The following GUCY1A2 variants were observed in gnomAD, a reference collection of about 807,000 sequenced individuals.
The protein encoded by GUCY1A2 is guanylate cyclase 1 soluble subunit alpha 2.
In GUCY1A2, 27 loss-of-function variants were observed where a neutral mutation model predicts 63.5. The ratio of observed to expected loss-of-function variants is 0.43; its 90% CI spans 0.31 to 0.59. The LOEUF (loss-of-function observed/expected upper bound fraction) is 0.59, where lower values mean the gene tolerates loss of function less well. Among genes scored for constraint, GUCY1A2 ranks in the 20% least tolerant of loss-of-function variants. The pLI is 0.11. For missense variants in GUCY1A2, 768 were observed against 913.3 expected (o/e 0.84, Z 2.05); for synonymous variants, 364 against 343.5 (o/e 1.06, Z -0.66).
chr11:106,730,737 T>A (rs1321176946), intron 6 of GUCY1A2, among the ~76,000 whole-genome samples: 3 of 152,108 alleles, frequency 2.0e-5, no homozygotes, highest in Non-Finnish European at 1.5e-5. Flanking sequence ...CCATCAACAG[T>A]GTATAAGCAT....
In GUCY1A2 at chr11:106,684,634, C is replaced by A. The variant is rs550293395; in HGVS notation, c.*2915G>T. On this transcript the variant is annotated 3_prime_UTR_variant, in exon 8 of 8. Transcript: ENST00000526355. ...GGTGCTAATGGCTAGTTATAAGGTG[C>A]CTTCTTCCAAACAGCAGCTTAAAAG... is the stretch of plus-strand genomic sequence containing the variant. 1.5e-5 allele frequency: 3 copies of A among 200,580 alleles called. No individual in the cohort carries two copies. The highest frequency in any genetic ancestry group is 3.1e-5 in the Non-Finnish European group (3 of 97,424). 12.4% of individuals were successfully genotyped at this position (200,580 alleles called of 1,614,324 possible). A position where few individuals can be genotyped will look rare whatever the true frequency, so the allele number is the denominator to read the frequency against.
intron 4 of GUCY1A2, among the ~76,000 whole-genome samples, chr11:106,840,844 A>G (rs879472904): frequency 6.6e-6 from 1 of 152,008 alleles, no homozygotes; most frequent in Non-Finnish European, 1.5e-5. Context: ...GAAGTAAAAA[A>G]TAAACTTCGG....
At chr11:106,873,853 G>C (rs528695827) in intron 4 of GUCY1A2, among the ~76,000 whole-genome samples, 1 of 152,176 alleles carries the variant, frequency 6.6e-6, no homozygotes, top group African/African-American at 2.4e-5. Context: ...CAATAGACTA[G>C]TTTCATCTCA....
rs574602472 is a variant in GUCY1A2 at position 106,720,201 on chromosome 11, G to A, written c.1837-11535C>T. 5.3e-5 allele frequency among the ~76,000 whole-genome samples: 8 copies of A among 152,310 alleles called. No homozygotes were observed. In the South Asian group the frequency reaches 1.0e-3, roughly 20 times the overall value. On this transcript the variant is annotated intron_variant, in intron 6 of 7. Coordinates refer to ENST00000526355, the MANE Select transcript of GUCY1A2 (RefSeq NM_000855.3). Reference sequence around the variant, plus strand: ...TTGAGACCTCAGCACATCTGTTTTCGTGGCAAACACAAAACAGTTTGGGTG... The same window carrying A: ...TTGAGACCTCAGCACATCTGTTTTCATGGCAAACACAAAACAGTTTGGGTG...
At chr11:106,700,088 A>G (rs969076718) in intron 7 of GUCY1A2, among the ~76,000 whole-genome samples, 4 of 152,168 alleles carry the variant, frequency 2.6e-5, no homozygotes, top group African/African-American at 7.2e-5. Flanking sequence ...TTCATTTCAT[A>G]TCTATGAAAA....
intron 4 of GUCY1A2, among the ~76,000 whole-genome samples, chr11:106,845,404 T>G (rs1252547719): frequency 6.6e-6 from 1 of 151,588 alleles, no homozygotes; most frequent in Non-Finnish European, 1.5e-5. Flanking sequence ...CTTAACTGTT[T>G]ACATGAAGGA....
rs530807895 is a variant in GUCY1A2, at chr11:106,952,943, G to C, written c.488-12765C>G. On this transcript the variant is annotated intron_variant, in intron 3 of 7. Coordinates refer to ENST00000526355, the MANE Select transcript of GUCY1A2 (RefSeq NM_000855.3). Reference sequence around the variant, plus strand: ...GTATGAGTCACCGCACCCAGCCAGGGTTTTCTAAATATAAAATCATGTCAT... The same window carrying C: ...GTATGAGTCACCGCACCCAGCCAGGCTTTTCTAAATATAAAATCATGTCAT... 4.3e-4 allele frequency among the ~76,000 whole-genome samples: 65 copies of C among 152,154 alleles called. 2 individuals carry two copies. The South Asian group carries it at 0.014, about 32-fold the overall frequency.
At chr11:106,743,548 C>A (rs1281894018) in intron 6 of GUCY1A2, among the ~76,000 whole-genome samples, 1 of 152,176 alleles carries the variant, frequency 6.6e-6, no homozygotes, top group Non-Finnish European at 1.5e-5. Context: ...CACTCAATTA[C>A]CCTCCATTGA....
At chr11:106,914,420 C>G (rs1453948823) in intron 4 of GUCY1A2, among the ~76,000 whole-genome samples, 1 of 152,100 alleles carries the variant, frequency 6.6e-6, no homozygotes, top group Non-Finnish European at 1.5e-5. Flanking sequence ...GTGATAACAG[C>G]CAAGTAGGCA....
At chr11:106,949,345 A>G (rs1860873363) in intron 3 of GUCY1A2, among the ~76,000 whole-genome samples, 1 of 152,090 alleles carries the variant, frequency 6.6e-6, no homozygotes, top group African/African-American at 2.4e-5. Flanking sequence ...TCACACCTCT[A>G]TACCAGCCAT....
In GUCY1A2 at chr11:107,013,408, A is replaced by G. The variant is rs528953211; in HGVS notation, c.303+4345T>C. 1.8e-4 allele frequency among the ~76,000 whole-genome samples: 27 copies of G among 152,322 alleles called. No homozygotes were observed. In the South Asian group the frequency reaches 5.6e-3, roughly 32 times the overall value. The stretch of plus-strand genomic sequence containing the variant: ...CTCATTTAAGAATAAAATCCAAATA[A>G]ATAAGTCGCTAAGTTCACCCTTGAT... On this transcript the variant is annotated intron_variant, in intron 1 of 7. Transcript: ENST00000526355.
At chr11:107,003,342 TC>T (rs1861633277) in intron 1 of GUCY1A2, among the ~76,000 whole-genome samples, 1 of 152,170 alleles carries the variant, frequency 6.6e-6, no homozygotes, top group African/African-American at 2.4e-5. Context: ...AACCACTGGG[TC>T]CTTGCTCCCA....
At chr11:106,976,421 A>C (rs1455468323) in intron 3 of GUCY1A2, among the ~76,000 whole-genome samples, 1 of 152,196 alleles carries the variant, frequency 6.6e-6, no homozygotes, top group East Asian at 1.9e-4. Context: ...GAATTTAAAC[A>C]CAACTTTAAA....
chr11:106,769,288 T>A (rs1045761898), intron 6 of GUCY1A2, among the ~76,000 whole-genome samples: 3 of 151,884 alleles, frequency 2.0e-5, no homozygotes, highest in Admixed American at 6.6e-5. Context: ...TTCAAGAAAA[T>A]AAATAAAAAC....
chr11:106,983,966 G>A (rs2120134183), intron 2 of GUCY1A2, among the ~76,000 whole-genome samples: 1 of 152,258 alleles, frequency 6.6e-6, no homozygotes, highest in African/African-American at 2.4e-5. Context: ...TAGTTCGAGG[G>A]TGAGTGATAT....
intron 1 of GUCY1A2, among the ~76,000 whole-genome samples, chr11:107,007,550 C>T (rs767954279): frequency 2.2e-4 from 34 of 152,262 alleles, no homozygotes; most frequent in African/African-American, 4.8e-4. Context: ...TTGCTTTATA[C>T]CTCTGCATGT....
At chr11:106,913,087 T>C (rs1860317335) in intron 4 of GUCY1A2, among the ~76,000 whole-genome samples, 1 of 151,654 alleles carries the variant, frequency 6.6e-6, no homozygotes, top group Non-Finnish European at 1.5e-5. Context: ...CAAATGTAAG[T>C]TGATGTTTTG....
At chr11:107,015,746 G>A (rs1472240615) in intron 1 of GUCY1A2, among the ~76,000 whole-genome samples, 2 of 152,048 alleles carry the variant, frequency 1.3e-5, no homozygotes, top group Non-Finnish European at 2.9e-5. Flanking sequence ...GACGCTCGGG[G>A]TCATTGGACT....
chr11:106,859,217 T>C (rs1308546380), intron 4 of GUCY1A2, among the ~76,000 whole-genome samples: 1 of 151,986 alleles, frequency 6.6e-6, no homozygotes, highest in East Asian at 1.9e-4. Context: ...TGAACCAAGA[T>C]TGTCAGTGAA....
Sources: gnomAD v4.1 joint callset for allele counts (sites outside exome capture counted in the v4.1 genomes callset) on GRCh38, gnomAD v4.1.1 for gene constraint, MANE v1.5 for transcripts, NCBI Gene and HGNC (gene_info 2026-07-23, HGNC 2026-07-21) for gene names.